Variants in GNAQ observed in about 807,000 individuals in gnomAD.
The protein encoded by GNAQ is G protein subunit alpha q.
GNAQ carries 8 observed loss-of-function variants against 43.9 expected under a neutral mutation model. That is an observed-to-expected ratio of 0.18 (90% confidence interval 0.11 to 0.33). GNAQ has a LOEUF of 0.33. Ranked by LOEUF, GNAQ falls within the 10% of genes least tolerant of loss-of-function variation. The pLI is 1.00. For synonymous variants in GNAQ, 155 were observed against 170.7 expected (o/e 0.91, Z 0.71); for missense variants, 158 against 450.8 (o/e 0.35, Z 5.88).
chr9:77,832,831 G>A (rs1827321936), intron 2 of GNAQ, among the ~76,000 whole-genome samples: 1 of 152,128 alleles, frequency 6.6e-6, no homozygotes, highest in South Asian at 2.1e-4. Flanking sequence ...AGAGGGGGGA[G>A]CTACACCCCC....
intron 1 of GNAQ, among the ~76,000 whole-genome samples, chr9:78,021,332 A>ATTTATTTTTTTTT: frequency 6.6e-6 from 1 of 152,084 alleles, no homozygotes; most frequent in Non-Finnish European, 1.5e-5. Context: ...GGCAAAGCTG[A>ATTTATTTTTTTTT]TTTCTTAAGG....
chr9:77,940,086 T>C (rs1221783347), intron 1 of GNAQ, among the ~76,000 whole-genome samples: 1 of 152,184 alleles, frequency 6.6e-6, no homozygotes, highest in Non-Finnish European at 1.5e-5. Context: ...GACATACATA[T>C]GATCCTATTA....
chr9:77,920,792 A>C (rs761579447), intron 2 of GNAQ, among the ~76,000 whole-genome samples: 10 of 152,216 alleles, frequency 6.6e-5, no homozygotes, highest in Non-Finnish European at 1.5e-4. Context: ...ACCAGGTATG[A>C]AAGTATCAAT....
At chr9:77,987,185 T>C (rs1055761859) in intron 1 of GNAQ, among the ~76,000 whole-genome samples, 1 of 152,166 alleles carries the variant, frequency 6.6e-6, no homozygotes, top group Admixed American at 6.5e-5. Flanking sequence ...TTCTGCTTTA[T>C]GGCATGTAGG....
chr9:77,940,213 T>C (rs1829294462), intron 1 of GNAQ, among the ~76,000 whole-genome samples: 1 of 152,120 alleles, frequency 6.6e-6, no homozygotes, highest in African/African-American at 2.4e-5. Flanking sequence ...TAGTACACAG[T>C]CCTAATATCC....
chr9:77,799,370 A>G (rs1826707485), intron 3 of GNAQ, among the ~76,000 whole-genome samples: 2 of 152,234 alleles, frequency 1.3e-5, no homozygotes. Context: ...TAATTGAACA[A>G]TAACAAATAC....
chr9:77,806,170 G>A (rs186300613), intron 3 of GNAQ, among the ~76,000 whole-genome samples: 50 of 151,736 alleles, frequency 3.3e-4, no homozygotes, highest in African/African-American at 1.2e-3. Flanking sequence ...AAAGAAGGAA[G>A]TCTTTTTCAA....
At chr9:77,738,336 C>G (rs1307214522) in intron 5 of GNAQ, among the ~76,000 whole-genome samples, 1 of 152,160 alleles carries the variant, frequency 6.6e-6, no homozygotes, top group Admixed American at 6.5e-5. Flanking sequence ...CACACACACT[C>G]AACTATGGAG....
chr9:77,958,121 A>G lies in GNAQ; in HGVS notation c.137-35776T>C, dbSNP rs116203807. Among the ~76,000 whole-genome samples, 1,026 of 152,316 alleles carry G rather than the reference A, an allele frequency of 6.7e-3. 15 individuals carry two copies. The highest frequency in any genetic ancestry group is 0.023 in the African/African-American group (952 of 41,568). Reference sequence around the variant, plus strand: ...GGAATAGTAGAGTAGCTATTAACTGATAAATCTGTTGGGAGGGTTAAAACA... The same window carrying G: ...GGAATAGTAGAGTAGCTATTAACTGGTAAATCTGTTGGGAGGGTTAAAACA... On this transcript the variant is annotated intron_variant, in intron 1 of 6. Coordinates refer to ENST00000286548, the MANE Select transcript of GNAQ (RefSeq NM_002072.5).
At chr9:77,992,985 A>C (rs946947468) in intron 1 of GNAQ, among the ~76,000 whole-genome samples, 5 of 152,174 alleles carry the variant, frequency 3.3e-5, no homozygotes, top group Non-Finnish European at 7.3e-5. Context: ...AGGAGGAATT[A>C]ATTTTTATTA....
At chr9:77,915,311 GTTTGTTTTATTC>G (rs1471655194) in intron 2 of GNAQ, among the ~76,000 whole-genome samples, 4 of 144,072 alleles carry the variant, frequency 2.8e-5, no homozygotes, top group African/African-American at 7.7e-5. Context: ...TGGTCACATT[GTTTGTTTTATTC>G]TTTGTTTTAT....
intron 1 of GNAQ, among the ~76,000 whole-genome samples, chr9:77,933,162 T>C (rs1829176448): frequency 6.6e-6 from 1 of 152,210 alleles, no homozygotes; most frequent in Non-Finnish European, 1.5e-5. Context: ...GGATGCGATT[T>C]GTGTCCTACA....
chr9:78,019,923 C>CAAAAAAAAAAAA (rs34222702), intron 1 of GNAQ, among the ~76,000 whole-genome samples: 2 of 94,126 alleles, frequency 2.1e-5, no homozygotes, highest in African/African-American at 4.2e-5. Flanking sequence ...GACTCCATCT[C>CAAAAAAAAAAAA]AAAAAAAAAA....
chr9:77,758,074 C>T (rs1282884111), intron 5 of GNAQ, among the ~76,000 whole-genome samples: 1 of 152,172 alleles, frequency 6.6e-6, no homozygotes, highest in Non-Finnish European at 1.5e-5. Flanking sequence ...TAAGCTAAGT[C>T]GAAGTCAGAA....
chr9:77,791,415 C>T (rs983779141), intron 5 of GNAQ, among the ~76,000 whole-genome samples: 2 of 152,092 alleles, frequency 1.3e-5, no homozygotes, highest in African/African-American at 4.8e-5. Context: ...AGGATTACAG[C>T]AGAATAGTGG....
At chr9:77,739,948 A>G (rs1825629112) in intron 5 of GNAQ, among the ~76,000 whole-genome samples, 1 of 152,226 alleles carries the variant, frequency 6.6e-6, no homozygotes, top group South Asian at 2.1e-4. Context: ...TGTCCCAGGA[A>G]GATTTGATCT....
chr9:77,886,400 A>G (rs1828306534), intron 2 of GNAQ, among the ~76,000 whole-genome samples: 1 of 151,756 alleles, frequency 6.6e-6, no homozygotes, highest in African/African-American at 2.4e-5. Flanking sequence ...AAAAAAAAAA[A>G]AAGCATCTTA....
At chr9:77,852,734 G>C (rs1172171843) in intron 2 of GNAQ, among the ~76,000 whole-genome samples, 1 of 152,156 alleles carries the variant, frequency 6.6e-6, no homozygotes, top group East Asian at 1.9e-4. Context: ...AGGCTGCTGA[G>C]ATCACTCAGT....
intron 3 of GNAQ, among the ~76,000 whole-genome samples, chr9:77,801,214 G>C (rs182236113): frequency 3.7e-4 from 56 of 152,284 alleles, no homozygotes; most frequent in African/African-American, 1.1e-3. Flanking sequence ...GATGGAATCA[G>C]GCACATACCT....
Sources: allele counts gnomAD v4.1 joint callset (sites outside exome capture counted in the v4.1 genomes callset), GRCh38; gene constraint gnomAD v4.1.1; transcripts MANE v1.5; gene names NCBI Gene and HGNC (gene_info 2026-07-23, HGNC 2026-07-21).